Variants in FAM13A observed in about 807,000 individuals in gnomAD.
The protein encoded by FAM13A is family with sequence similarity 13 member A, also known as protein FAM13A.
In FAM13A, 76 loss-of-function variants were observed where a neutral mutation model predicts 129.6. The ratio of observed to expected loss-of-function variants is 0.59; its 90% CI spans 0.49 to 0.71. The LOEUF is 0.71. Ranked by LOEUF, FAM13A falls within the 30% of genes least tolerant of loss-of-function variation. The pLI, the probability that FAM13A is intolerant of heterozygous loss-of-function variation, is 0.00. For synonymous variants in FAM13A, 443 were observed against 449.9 expected (o/e 0.98, Z 0.20); for missense variants, 1,108 against 1,249.3 (o/e 0.89, Z 1.70).
chr4:88,895,095 T>A (rs1746055388), intron 6 of FAM13A, among the ~76,000 whole-genome samples: 1 of 152,130 alleles, frequency 6.6e-6, no homozygotes, highest in Non-Finnish European at 1.5e-5. Flanking sequence ...GATTATTAGA[T>A]GAGATAATAT....
chr4:88,985,806 C>G (rs1268278677), intron 4 of FAM13A, among the ~76,000 whole-genome samples: 1 of 150,174 alleles, frequency 6.7e-6, no homozygotes, highest in Non-Finnish European at 1.5e-5. Context: ...CTAAAACTTA[C>G]TTTGTCCAAG....
intron 14 of FAM13A, among the ~76,000 whole-genome samples, chr4:88,751,918 T>C (rs939047138): frequency 6.6e-6 from 1 of 152,232 alleles, no homozygotes; most frequent in South Asian, 2.1e-4. Flanking sequence ...ATGGGAACAG[T>C]TGCTCCTCTA....
chr4:88,971,841 C>G (rs1760126491), intron 4 of FAM13A, among the ~76,000 whole-genome samples: 1 of 152,090 alleles, frequency 6.6e-6, no homozygotes, highest in African/African-American at 2.4e-5. Flanking sequence ...CAAATTACTG[C>G]AAGGAAAAGG....
Position 88,775,134 on chromosome 4 carries a change from A to G in FAM13A, c.1458+6031T>C, listed in dbSNP as rs542013810. Among the ~76,000 whole-genome samples, 3 of 152,318 alleles carry G rather than the reference A, an allele frequency of 2.0e-5. No individual in the cohort carries two copies. In the South Asian group the frequency reaches 6.2e-4, roughly 32 times the overall value. On this transcript the variant is annotated intron_variant, in intron 11 of 23. Transcript: ENST00000264344. ...TATGGGAGCTTAGCCAGGGAAGGAT[A>G]CAACAAAGAAGAAAACAGTCATTGT...
chr4:89,034,012 C>G (rs970148677), intron 1 of FAM13A, among the ~76,000 whole-genome samples: 5 of 152,096 alleles, frequency 3.3e-5, no homozygotes, highest in Admixed American at 6.6e-5. Flanking sequence ...TTGCGAACAT[C>G]AGGCTAGGCA....
At chr4:88,965,391 T>C (rs1289015760) in intron 4 of FAM13A, among the ~76,000 whole-genome samples, 2 of 152,208 alleles carry the variant, frequency 1.3e-5, no homozygotes, top group Non-Finnish European at 2.9e-5. Context: ...TGTTCTTCTT[T>C]ACATTACAAA....
intron 5 of FAM13A, among the ~76,000 whole-genome samples, chr4:88,925,987 G>A (rs565190004): frequency 1.3e-5 from 2 of 152,086 alleles, no homozygotes; most frequent in South Asian, 2.1e-4. Flanking sequence ...AACTTGCTGC[G>A]AGGATTGAGA....
intron 6 of FAM13A, among the ~76,000 whole-genome samples, chr4:88,895,242 A>C (rs1186956339): frequency 1.3e-5 from 2 of 152,186 alleles, no homozygotes; most frequent in African/African-American, 4.8e-5. Context: ...GGAAACCCAT[A>C]ACATAAATAA....
Position 89,020,507 on chromosome 4 carries a change from C to T in FAM13A, c.380G>A (p.Ser127Asn). The T allele has an allele frequency of 6.2e-7, 1 of 1,614,074 alleles. No individual in the cohort carries two copies. The highest frequency in any genetic ancestry group is 8.5e-7 in the Non-Finnish European group (1 of 1,179,984). The change falls in exon 3 of 24, where the codon AGT becomes AAT. Residue 127 changes from serine (S) to asparagine (N), a missense_variant. Ser to Asn is a conservative substitution (Grantham distance 46, BLOSUM62 1). Coordinates refer to ENST00000264344, the MANE Select transcript of FAM13A (RefSeq NM_014883.4). ...AGGCTGCAACGCTGAGGTGATCAGA[C>T]TGTCAGGCAGCTCCCTCAGAAACAG... The part of the protein sequence containing the change: ...LKLFLRELPD[S>N]LITSALQPRF...
intron 20 of FAM13A, 90 bp downstream of exon 20, chr4:88,738,940 T>G: frequency 1.2e-6 from 1 of 827,562 alleles, no homozygotes; most frequent in Non-Finnish European, 2.1e-6. Flanking sequence ...TATTCTTTAA[T>G]GAGAAAGCAG....
chr4:88,906,466 C>T lies in FAM13A; in HGVS notation c.760-4G>A. ...GGGAGTTCTTATAATAGACCTCCTA[C>T]AAAAGAAGTATAAAGGAAACATTAG... On this transcript the variant is annotated splice_region_variant and splice_polypyrimidine_tract_variant and intron_variant, in intron 5 of 23. Transcript: ENST00000264344. The T allele has an allele frequency of 2.5e-6, 4 of 1,581,206 alleles. No individual in the cohort carries two copies. Among genetic ancestry groups the T allele is most frequent in the South Asian group, 1.1e-5 (1 of 88,252 alleles).
chr4:89,036,740 T>C (rs1035369136), intron 1 of FAM13A, among the ~76,000 whole-genome samples: 1 of 152,090 alleles, frequency 6.6e-6, no homozygotes, highest in South Asian at 2.1e-4. Flanking sequence ...AGGCCCAGGG[T>C]CCTGTTGCTC....
chr4:88,799,635 C>A (rs1432149247), intron 8 of FAM13A, among the ~76,000 whole-genome samples: 1 of 152,200 alleles, frequency 6.6e-6, no homozygotes, highest in Non-Finnish European at 1.5e-5. Context: ...CAGATGCACG[C>A]CACCATGCAC....
At chr4:88,728,845 C>T (rs1002546807) in intron 23 of FAM13A, 186 bp from the exon 24 acceptor site, 2 of 570,492 alleles carry the variant, frequency 3.5e-6, no homozygotes, top group African/African-American at 3.8e-5. Flanking sequence ...ATGTTTCACC[C>T]AGAAGGCAAC....
chr4:88,882,268 A>G lies in FAM13A; in HGVS notation c.843+24111T>C, dbSNP rs1002914028. Among the ~76,000 whole-genome samples the G allele has an allele frequency of 2.0e-5, 3 of 152,312 alleles. No individual in the cohort carries two copies. In the South Asian group the frequency reaches 6.2e-4, roughly 32 times the overall value. On this transcript the variant is annotated intron_variant, in intron 6 of 23. Coordinates refer to ENST00000264344, the MANE Select transcript of FAM13A (RefSeq NM_014883.4). ...TAACCTCTAAAGGAAAACCTATCAG[A>G]TTAACTGCAGATTTCTCAGCAGAAT...
At chr4:88,827,107 A>C (rs1184719965) in intron 7 of FAM13A, among the ~76,000 whole-genome samples, 1 of 152,092 alleles carries the variant, frequency 6.6e-6, no homozygotes, top group Non-Finnish European at 1.5e-5. Context: ...CTTTTCCAAA[A>C]CTGCTTTTAG....
chr4:88,883,022 T>C (rs1162682357), intron 6 of FAM13A, among the ~76,000 whole-genome samples: 2 of 152,120 alleles, frequency 1.3e-5, no homozygotes, highest in African/African-American at 4.8e-5. Flanking sequence ...AAATAATTAC[T>C]ACTACACCTA....
intron 6 of FAM13A, among the ~76,000 whole-genome samples, chr4:88,883,351 C>A (rs1366327423): frequency 2.6e-5 from 4 of 151,814 alleles, no homozygotes; most frequent in Admixed American, 6.6e-5. Flanking sequence ...GAAATCAACT[C>A]CAAAAGAACC....
intron 19 of FAM13A, among the ~76,000 whole-genome samples, chr4:88,739,786 CAAAAA>C (rs34007551): frequency 1.5e-5 from 1 of 67,930 alleles, no homozygotes; most frequent in Non-Finnish European, 2.9e-5. Context: ...GACTCTGTCT[CAAAAA>C]AAAAAAAAAA....
Sources: gnomAD v4.1 joint callset for allele counts (sites outside exome capture counted in the v4.1 genomes callset) on GRCh38, gnomAD v4.1.1 for gene constraint, MANE v1.5 for transcripts, NCBI Gene and HGNC (gene_info 2026-07-23, HGNC 2026-07-21) for gene names.